Variants in DRGX observed in about 807,000 individuals in gnomAD.
DRGX encodes the protein dorsal root ganglia homeobox.
A neutral mutation model predicts 28.6 loss-of-function variants in DRGX; 21 were observed. That is an observed-to-expected ratio of 0.73 (90% CI 0.52 to 1.06). DRGX has a LOEUF of 1.06. DRGX is among the 50% of genes least tolerant of loss of function. The pLI is 0.00. For synonymous variants in DRGX, 136 were observed against 139.1 expected, an observed-to-expected ratio of 0.98 and a Z score of 0.16; for missense variants, 354 against 343.9, an observed-to-expected ratio of 1.03 and a Z score of -0.23.
chr10:49,384,080 C>T (rs181783022), intron 6 of DRGX, among the ~76,000 whole-genome samples: 50 of 152,348 alleles, frequency 3.3e-4, no homozygotes, highest in African/African-American at 1.1e-3. Context: ...CTGCCCAACC[C>T]GAATCTGAGG....
intron 2 of DRGX, 83 bp downstream of exon 2, chr10:49,395,324 C>A: frequency 6.6e-7 from 1 of 1,519,000 alleles, no homozygotes; most frequent in East Asian, 2.5e-5. Flanking sequence ...GGGGACCCAG[C>A]CACCCACCAG....
Position 49,390,145 on chromosome 10 carries a change from T to C in DRGX, c.222A>G (p.Glu74=). ...EELAMKINLT[E]ARVQVWFQNR... is the part of the protein sequence containing the mutation. ...AAAGAAGGTTTACCTGCACTCTGGC[T>C]TCTGTGAGGTTTATTTTCATGGCGA... The change falls in exon 4 of 7, where the codon GAA becomes GAG. Residue 74 remains glutamate, a synonymous_variant. Coordinates refer to ENST00000374139, the MANE Select transcript of DRGX (RefSeq NM_001276451.2). 1 of 1,611,448 alleles carries C rather than the reference T, an allele frequency of 6.2e-7. No homozygotes were observed. Among genetic ancestry groups the C allele is most frequent in the South Asian group, 1.1e-5 (1 of 90,078 alleles).
At chr10:49,370,874 A>G (rs1204788804) in intron 6 of DRGX, among the ~76,000 whole-genome samples, 1 of 152,232 alleles carries the variant, frequency 6.6e-6, no homozygotes, top group Non-Finnish European at 1.5e-5. Context: ...CTTCACTGCC[A>G]TCCCACAGGG....
intron 2 of DRGX, 115 bp from the exon 3 acceptor site, chr10:49,391,376 C>T (rs1849903551): frequency 1.3e-6 from 1 of 768,792 alleles, no homozygotes; most frequent in African/African-American, 1.7e-5. Context: ...CCCTGTTTGT[C>T]CCAAAGGATA....
rs1224075770 is a variant in DRGX, at chr10:49,386,740, T to C, written c.353A>G (p.Asn118Ser). The C allele has an allele frequency of 1.9e-6, 3 of 1,607,104 alleles. No homozygotes were observed. The highest frequency in any genetic ancestry group is 8.5e-7 in the Non-Finnish European group (1 of 1,176,752). The change falls in exon 5 of 7, where the codon AAC (asparagine) becomes AGC (serine). Residue 118 changes from asparagine (N) to serine (S), a missense_variant. By Grantham distance (46) the Asn-to-Ser change is conservative (BLOSUM62 1). Coordinates refer to ENST00000374139, the MANE Select transcript of DRGX (RefSeq NM_001276451.2). ...GGCTTGGTCCCCAGGGGGCGGGGAG[T>C]TGATGTTTCTCACTGGAGGAGGTGT... Reference protein sequence around the residue: ...EVTPPPVRNINSPPPGDQARS... With the variant: ...EVTPPPVRNISSPPPGDQARS...
intron 6 of DRGX, among the ~76,000 whole-genome samples, chr10:49,368,313 A>G (rs1849620307): frequency 1.3e-5 from 2 of 152,202 alleles, no homozygotes; most frequent in Admixed American, 1.3e-4. Flanking sequence ...TCCTACCTCA[A>G]GTTTGACTGA....
intron 6 of DRGX, among the ~76,000 whole-genome samples, chr10:49,366,696 C>T (rs1849605549): frequency 6.6e-6 from 1 of 152,214 alleles, no homozygotes; most frequent in Admixed American, 6.5e-5. Flanking sequence ...TGGGGTAATA[C>T]CTACATTGCA....
chr10:49,384,095 C>T (rs1306597430), intron 6 of DRGX, among the ~76,000 whole-genome samples: 1 of 152,236 alleles, frequency 6.6e-6, no homozygotes, highest in Non-Finnish European at 1.5e-5. Context: ...CTGAGGGTGC[C>T]CCCAGCATGG....
chr10:49,382,267 C>T (rs911346039), intron 6 of DRGX, among the ~76,000 whole-genome samples: 3 of 152,162 alleles, frequency 2.0e-5, no homozygotes, highest in African/African-American at 2.4e-5. Flanking sequence ...GGAGACCCAC[C>T]AGAATCAGTG....
At position 49,365,518 on chromosome 10, in the gene DRGX, C is replaced by G. The variant is rs1849588885; in HGVS notation, c.*598G>C. ...CCTGGGTCAGAGCCACCGTGGTCCT[C>G]TGGGACAGGCTGTGTCCTGTTGGCC... On this transcript the variant is annotated 3_prime_UTR_variant, in exon 7 of 7. Coordinates refer to ENST00000374139, the MANE Select transcript of DRGX (RefSeq NM_001276451.2). The G allele has an allele frequency of 6.6e-6, 1 of 152,312 alleles. No individual in the cohort carries two copies. Among genetic ancestry groups the G allele is most frequent in the Non-Finnish European group, 1.5e-5 (1 of 68,092 alleles). The allele number at this position is 152,312 out of a possible 1,614,324, so 9.4% of individuals were successfully genotyped here. A position where few individuals can be genotyped will look rare whatever the true frequency, so the allele number is the denominator to read the frequency against.
chr10:49,370,595 G>A (rs1428804112), intron 6 of DRGX, among the ~76,000 whole-genome samples: 1 of 152,202 alleles, frequency 6.6e-6, no homozygotes, highest in Non-Finnish European at 1.5e-5. Flanking sequence ...CTGAAGGGAG[G>A]TCCTCAGAGG....
At chr10:49,395,222 G>T (rs1849953179) in intron 2 of DRGX, among the ~76,000 whole-genome samples, 185 bp downstream of exon 2, 1 of 152,156 alleles carries the variant, frequency 6.6e-6, no homozygotes, top group South Asian at 2.1e-4. Flanking sequence ...GTGGCGACGG[G>T]GCGGGGAGCT....
In DRGX at chr10:49,364,437, G is replaced by A. The variant is rs1194732493; in HGVS notation, c.*1679C>T. 6.6e-6 allele frequency: 1 copy of A among 152,204 alleles called. No homozygotes were observed. Among genetic ancestry groups the A allele is most frequent in the Admixed American group, 6.5e-5 (1 of 15,278 alleles). 9.4% of individuals were successfully genotyped at this position (152,204 alleles called of 1,614,324 possible). A position where few individuals can be genotyped will look rare whatever the true frequency, so the allele number is the denominator to read the frequency against. ...ATAACTACTTTTCAGATGCAATGCT[G>A]TTAAGTATTCTTAATTTGCTCAACA... On this transcript the variant is annotated 3_prime_UTR_variant, in exon 7 of 7. Transcript: ENST00000374139.
intron 6 of DRGX, among the ~76,000 whole-genome samples, chr10:49,375,481 A>G (rs921254606): frequency 3.3e-5 from 5 of 152,248 alleles, no homozygotes; most frequent in African/African-American, 1.2e-4. Flanking sequence ...CTGTATTCTT[A>G]ACGAAGTTAA....
At position 49,386,548 on chromosome 10, in the gene DRGX, G is replaced by A. The variant is rs922558196; in HGVS notation, c.456C>T (p.Ser152=). The A allele has an allele frequency of 1.3e-6, 2 of 1,590,682 alleles. No individual in the cohort carries two copies. The highest frequency in any genetic ancestry group is 2.3e-5 in the East Asian group (1 of 43,604). Reference sequence around the variant, plus strand: ...TGTTCAGGAGAGTCCCCGGCAAGCAGGAGGGGAAGAAAGGCCCTGCAGGAC... The same window carrying A: ...TGTTCAGGAGAGTCCCCGGCAAGCAAGAGGGGAAGAAAGGCCCTGCAGGAC... The part of the protein sequence containing the change: ...TVGPAGPFFP[S]CLPGTLLNTA... The change falls in exon 6 of 7, where the codon TCC becomes TCT. Residue 152 remains serine (S), a synonymous_variant. Transcript: ENST00000374139.
At chr10:49,387,417 C>A (rs57276137) in intron 4 of DRGX, among the ~76,000 whole-genome samples, 1,744 of 152,228 alleles carry the variant, frequency 0.011, 27 homozygotes, top group African/African-American at 0.04. Flanking sequence ...CCAGGACTTT[C>A]GGATGCCAAG....
Position 49,386,795 on chromosome 10 carries a change from G to A in DRGX, c.298C>T (p.Pro100Ser). ...KTERGASDQE[P>S]GAKEPMAEVT... Reference sequence around the variant, plus strand: ...TCTGCCATGGGCTCCTTGGCTCCTGGCTCCTGGTCTGAGGCCCCTCTCTCT... The same window carrying A: ...TCTGCCATGGGCTCCTTGGCTCCTGACTCCTGGTCTGAGGCCCCTCTCTCT... The change falls in exon 5 of 7, where the codon CCA (proline) becomes TCA (serine). Residue 100 changes from proline (P) to serine (S), a missense_variant. Physicochemically the swap from Pro to Ser is moderately conservative, Grantham distance 74. Transcript: ENST00000374139. The A allele has an allele frequency of 6.2e-7, 1 of 1,607,202 alleles. No homozygotes were observed. Among genetic ancestry groups the A allele is most frequent in the Non-Finnish European group, 8.5e-7 (1 of 1,177,184 alleles).
chr10:49,365,213 A>G lies in DRGX; in HGVS notation c.*903T>C, dbSNP rs1472468684. The G allele has an allele frequency of 6.6e-6, 1 of 152,192 alleles. No homozygotes were observed. The highest frequency in any genetic ancestry group is 1.5e-5 in the Non-Finnish European group (1 of 68,044). The allele number at this position is 152,192 out of a possible 1,614,324, so 9.4% of individuals were successfully genotyped here. A position where few individuals can be genotyped will look rare whatever the true frequency, so the allele number is the denominator to read the frequency against. ...CCAGGCATGTGGGGAAAGGTAGTTC[A>G]TCTGTATGCATAATTACTTCAGAGG... is the stretch of plus-strand genomic sequence containing the variant. On this transcript the variant is annotated 3_prime_UTR_variant, in exon 7 of 7. Coordinates refer to ENST00000374139, the MANE Select transcript of DRGX (RefSeq NM_001276451.2).
At chr10:49,388,342 A>T (rs1324836460) in intron 4 of DRGX, among the ~76,000 whole-genome samples, 1 of 152,184 alleles carries the variant, frequency 6.6e-6, no homozygotes, top group East Asian at 1.9e-4. Context: ...TCCCCAGGGC[A>T]TCCTCTCCTC....
Sources: gnomAD v4.1 joint callset for allele counts (sites outside exome capture counted in the v4.1 genomes callset) on GRCh38, gnomAD v4.1.1 for gene constraint, MANE v1.5 for transcripts, NCBI Gene and HGNC (gene_info 2026-07-23, HGNC 2026-07-21) for gene names.